KIAA1614: variants seen among roughly 807,000 people sequenced by gnomAD.
KIAA1614 encodes the protein KIAA1614.
In KIAA1614, 76 loss-of-function variants were observed where a neutral mutation model predicts 88.7. The ratio of observed to expected loss-of-function variants is 0.86; its 90% CI spans 0.71 to 1.04. KIAA1614 has a LOEUF of 1.04. Ranked by LOEUF, KIAA1614 falls within the 50% of genes least tolerant of loss-of-function variation. The pLI, the probability that KIAA1614 is intolerant of heterozygous loss-of-function variation, is 0.00. For synonymous variants in KIAA1614, 714 were observed against 675.5 expected, an observed-to-expected ratio of 1.06 and a Z score of -0.88; for missense variants, 1,553 against 1,582.5, an observed-to-expected ratio of 0.98 and a Z score of 0.32.
chr1:180,915,661 C>T (rs1016541808), intron 1 of KIAA1614, among the ~76,000 whole-genome samples: 2 of 152,174 alleles, frequency 1.3e-5, no homozygotes, highest in African/African-American at 2.4e-5. Context: ...TCCCCAACCC[C>T]CGGGGCCACG....
chr1:180,943,547 G>A (rs1010649843), intron 7 of KIAA1614, among the ~76,000 whole-genome samples: 5 of 15,626 alleles, frequency 3.2e-4, no homozygotes, highest in African/African-American at 1.3e-3. Context: ...AATGGTAGTA[G>A]ATCTTTTTTT....
At chr1:180,942,870 A>C (rs7525828) in intron 7 of KIAA1614, among the ~76,000 whole-genome samples, 84,168 of 151,922 alleles carry the variant, frequency 0.55, 23,455 homozygotes, top group East Asian at 0.75. Context: ...AGCAGAGATA[A>C]ATTTTCAAGA....
In KIAA1614 at chr1:180,941,181, C is replaced by T. The variant is rs1654453489; in HGVS notation, c.3055C>T (p.Pro1019Ser). ...LFSALGQSSR[P>S]KLGKSRSYSV... The stretch of plus-strand genomic sequence containing the variant: ...CTCAGCCCTGGGCCAGAGTTCCCGG[C>T]CCAAGCTGGGCAAGTCCCGCAGCTA... The change falls in exon 7 of 9, where the codon CCC (proline) becomes TCC (serine). Residue 1019 changes from proline (P) to serine (S), a missense_variant. By Grantham distance (74) the Pro-to-Ser change is moderately conservative (BLOSUM62 -1). Coordinates refer to ENST00000367588, the MANE Select transcript of KIAA1614 (RefSeq NM_020950.2). 6.2e-7 allele frequency: 1 copy of T among 1,613,744 alleles called. No individual in the cohort carries two copies. Among genetic ancestry groups the T allele is most frequent in the African/African-American group, 1.3e-5 (1 of 74,924 alleles).
At chr1:180,944,762 G>A in intron 8 of KIAA1614, 1 of 363,096 alleles carries the variant, frequency 2.8e-6, no homozygotes, top group Non-Finnish European at 5.0e-6. Context: ...GAGTTGGCCG[G>A]TTTGATTCCA....
In KIAA1614 at chr1:180,935,795, G is replaced by T. The variant is rs1331265268; in HGVS notation, c.1886G>T (p.Gly629Val). 2.5e-6 allele frequency: 4 copies of T among 1,613,848 alleles called. No individual in the cohort carries two copies. In the Admixed American group the frequency reaches 6.7e-5, roughly 27 times the overall value. ...TGCAGGACCGACAGTGAGGAGGCGG[G>T]GACCTCTCAGGCTGGCTGGGCGTGT... ...DNCRTDSEEA[G>V]TSQAGWACGR... The change falls in exon 5 of 9, where the codon GGG becomes GTG. Residue 629 changes from glycine to valine, a missense_variant. Coordinates refer to ENST00000367588, the MANE Select transcript of KIAA1614 (RefSeq NM_020950.2). This position sits in a 1 kb window ranked among gnomAD's most constrained non-coding sequence, Gnocchi z 6.1.
At chr1:180,942,065 C>G (rs1299117980) in intron 7 of KIAA1614, among the ~76,000 whole-genome samples, 2 of 150,086 alleles carry the variant, frequency 1.3e-5, no homozygotes, top group Admixed American at 6.6e-5. Flanking sequence ...CCCTCCCCAC[C>G]CCCCCAGCCC....
intron 5 of KIAA1614, 67 bp from the exon 6 acceptor site, chr1:180,938,488 C>T: frequency 6.5e-7 from 1 of 1,531,406 alleles, no homozygotes; most frequent in Non-Finnish European, 8.9e-7. Flanking sequence ...CTGGGAATGT[C>T]CCATTCCCCC....
In KIAA1614 at chr1:180,916,373, G is replaced by C. The variant is rs1161385102; in HGVS notation, c.270G>C (p.Leu90Phe). The C allele has an allele frequency of 6.2e-7, 1 of 1,614,228 alleles. No homozygotes were observed. Among genetic ancestry groups the C allele is most frequent in the Admixed American group, 1.7e-5 (1 of 60,022 alleles). Residue 90 changes from leucine to phenylalanine, a missense_variant, in exon 2 of 9, where the codon TTG becomes TTC. By Grantham distance (22) the Leu-to-Phe change is conservative. Coordinates refer to ENST00000367588, the MANE Select transcript of KIAA1614 (RefSeq NM_020950.2). ...PSVLESKVRA[L>F]KEKMTVAKQG... ...TGCTGGAATCCAAGGTGAGGGCTTTGAAGGAGAAGATGACAGTGGCCAAAC... is the reference window on the plus strand; with the variant it reads ...TGCTGGAATCCAAGGTGAGGGCTTTCAAGGAGAAGATGACAGTGGCCAAAC...
chr1:180,950,404 G>T lies in KIAA1614; in HGVS notation c.*4816G>T. 2 of 1,233,874 alleles carry T rather than the reference G, an allele frequency of 1.6e-6. No homozygotes were observed. The highest frequency in any genetic ancestry group is 1.0e-6 in the Non-Finnish European group (1 of 959,962). 76.4% of individuals were successfully genotyped at this position (1,233,874 alleles called of 1,614,324 possible). A position where few individuals can be genotyped will look rare whatever the true frequency, so the allele number is the denominator to read the frequency against. On this transcript the variant is annotated 3_prime_UTR_variant, in exon 9 of 9. Coordinates refer to ENST00000367588, the MANE Select transcript of KIAA1614 (RefSeq NM_020950.2). ...AGCTGTACTCAGGGCTGCTGGGGGT[G>T]GGCGATGAGATCCTCGAGGTGAACG...
At chr1:180,938,914 T>A (rs1654392486) in intron 6 of KIAA1614, among the ~76,000 whole-genome samples, 3 of 152,212 alleles carry the variant, frequency 2.0e-5, no homozygotes, top group Admixed American at 6.5e-5. Flanking sequence ...CATTCATTCA[T>A]GGAGCATCCA....
rs761784349 is a variant in KIAA1614 at position 180,917,095 on chromosome 1, C to T, written c.992C>T (p.Ala331Val). The change falls in exon 2 of 9, where the codon GCA becomes GTA. Residue 331 changes from alanine to valine, a missense_variant. By Grantham distance (64) the Ala-to-Val change is moderately conservative (BLOSUM62 0). Transcript: ENST00000367588. ...PAWTPSWDTA[A>V]PERPVGDVDW... ...TGGACTCCATCCTGGGACACAGCTG[C>T]ACCAGGTGAAGCTCACTGTGTAGGT... The T allele has an allele frequency of 6.2e-7, 1 of 1,611,672 alleles. No individual in the cohort carries two copies. The highest frequency in any genetic ancestry group is 1.7e-5 in the Admixed American group (1 of 59,944).
rs761303543 is a variant in KIAA1614 at position 180,935,553 on chromosome 1, C to T, written c.1644C>T (p.Pro548=). Residue 548 remains proline (P), a synonymous_variant, in exon 5 of 9, where the codon CCC becomes CCT. Transcript: ENST00000367588. The surrounding 1 kb of genome is among the most constrained non-coding windows in gnomAD (Gnocchi z 6.1). ...ACGSCIDDPR[P]AQGKAPPVPR... is the part of the protein sequence containing the mutation. ...GCAGCTGCATCGACGACCCGCGCCC[C>T]GCCCAGGGGAAGGCGCCCCCCGTCC... 75 of 1,593,692 alleles carry T rather than the reference C, an allele frequency of 4.7e-5. No individual in the cohort carries two copies. The highest frequency in any genetic ancestry group is 4.3e-6 in the Non-Finnish European group (5 of 1,170,896).
chr1:180,917,149 C>T (rs1478578913), intron 2 of KIAA1614, 49 bp downstream of exon 2: 30 of 1,484,658 alleles, frequency 2.0e-5, no homozygotes, highest in Non-Finnish European at 2.7e-5. Flanking sequence ...AGGAGGGAAT[C>T]CAGAGGGAGG....
intron 3 of KIAA1614, among the ~76,000 whole-genome samples, chr1:180,926,474 GAAAAA>G (rs60582450): frequency 4.7e-5 from 6 of 126,888 alleles, no homozygotes; most frequent in African/African-American, 1.1e-4. Flanking sequence ...CAGCTGATGA[GAAAAA>G]AAAAAAAAAA....
chr1:180,944,606 C>A, intron 8 of KIAA1614, 90 bp downstream of exon 8: 1 of 1,426,424 alleles, frequency 7.0e-7, no homozygotes, highest in Non-Finnish European at 9.6e-7. Context: ...AGCATCATGG[C>A]TCTGAGCAGG....
At chr1:180,933,687 C>T (rs1013893724) in intron 4 of KIAA1614, among the ~76,000 whole-genome samples, 5 of 152,272 alleles carry the variant, frequency 3.3e-5, no homozygotes, top group African/African-American at 7.2e-5. Context: ...AGGTGTCTTC[C>T]GGAACTGAGC....
rs1223498752 is a variant in KIAA1614, at chr1:180,946,454, C to T, written c.*866C>T. On this transcript the variant is annotated 3_prime_UTR_variant, in exon 9 of 9. Transcript: ENST00000367588. Reference sequence around the variant, plus strand: ...CTCTGACCAGTTCTCAGTTCCACCCCATCCATGAGTCTTTCAGGGCAACGT... The same window carrying T: ...CTCTGACCAGTTCTCAGTTCCACCCTATCCATGAGTCTTTCAGGGCAACGT... 2 of 152,252 alleles carry T rather than the reference C, an allele frequency of 1.3e-5. No homozygotes were observed. Among genetic ancestry groups the T allele is most frequent in the Admixed American group, 1.3e-4 (2 of 15,286 alleles). 9.4% of individuals were successfully genotyped at this position (152,252 alleles called of 1,614,324 possible).
intron 3 of KIAA1614, among the ~76,000 whole-genome samples, chr1:180,919,530 G>C (rs559796582): frequency 1.1e-3 from 174 of 152,210 alleles, no homozygotes; most frequent in African/African-American, 4.0e-3. Flanking sequence ...TGGGGCAGAT[G>C]CCCTCTTCTG....
At chr1:180,938,443 C>T (rs1417554418) in intron 5 of KIAA1614, 112 bp from the exon 6 acceptor site, 92 of 1,225,636 alleles carry the variant, frequency 7.5e-5, no homozygotes, top group Non-Finnish European at 9.7e-5. Flanking sequence ...CCTTGAGCTC[C>T]ACCTCTCCAG....
Sources: gnomAD v4.1 joint callset for allele counts (sites outside exome capture counted in the v4.1 genomes callset) on GRCh38, gnomAD v4.1.1 for gene constraint, Gnocchi (gnomAD v3.1) non-coding constraint, MANE v1.5 for transcripts, NCBI Gene and HGNC (gene_info 2026-07-23, HGNC 2026-07-21) for gene names.